Variants in ANO4 observed in about 807,000 individuals in gnomAD.
ANO4 encodes the protein anoctamin-4.
A neutral mutation model predicts 141.9 loss-of-function variants in ANO4; 69 were observed. The ratio of observed to expected loss-of-function variants is 0.49; its 90% CI spans 0.40 to 0.59. The LOEUF (loss-of-function observed/expected upper bound fraction) is 0.59, where lower values mean the gene tolerates loss of function less well. Ranked by LOEUF, ANO4 falls within the 20% of genes least tolerant of loss-of-function variation. The pLI, the probability that ANO4 is intolerant of heterozygous loss-of-function variation, is 0.00. For synonymous variants in ANO4, 350 were observed against 394.3 expected (o/e 0.89, Z 1.33); for missense variants, 894 against 1,162.2 (o/e 0.77, Z 3.36).
chr12:100,845,081 G>A (rs2037488032), intron 1 of ANO4, among the ~76,000 whole-genome samples: 1 of 152,166 alleles, frequency 6.6e-6, no homozygotes, highest in South Asian at 2.1e-4. Flanking sequence ...TTAAGAACCG[G>A]AGAGCAGGAA....
At chr12:101,074,908 T>G (rs2048962069) in intron 14 of ANO4, among the ~76,000 whole-genome samples, 1 of 152,194 alleles carries the variant, frequency 6.6e-6, no homozygotes, top group Non-Finnish European at 1.5e-5. Context: ...TGCGTGCCAG[T>G]TGCTGTGCTA....
chr12:101,068,836 T>G lies in ANO4; in HGVS notation c.1313-10357T>G, dbSNP rs2048699297. 3 of 1,023,232 alleles carry G rather than the reference T, an allele frequency of 2.9e-6. No homozygotes were observed. The South Asian group carries it at 3.8e-5, about 13-fold the overall frequency. The allele number at this position is 1,023,232 out of a possible 1,614,324, so 63.4% of individuals were successfully genotyped here. A position where few individuals can be genotyped will look rare whatever the true frequency, so the allele number is the denominator to read the frequency against. On this transcript the variant is annotated intron_variant, in intron 14 of 27. Transcript: ENST00000392977. ...GTATCTATTGAAGGTTGCTGAGCTA[T>G]TTGAAAAACTTAGGAAAGTAGAGGG...
upstream of ANO4, among the ~76,000 whole-genome samples, chr12:100,790,132 A>T (rs2033997018): frequency 6.6e-6 from 1 of 152,172 alleles, no homozygotes; most frequent in Non-Finnish European, 1.5e-5. Context: ...ATGGCAATAG[A>T]AGAATACACT....
chr12:100,899,416 T>A (rs12302675), intron 1 of ANO4, among the ~76,000 whole-genome samples: 3,787 of 152,278 alleles, frequency 0.025, 166 homozygotes, highest in African/African-American at 0.086. Flanking sequence ...CCATAGGTTA[T>A]CCGGTGAGCA....
chr12:100,797,288 T>G (rs1035490479), intron 1 of ANO4, among the ~76,000 whole-genome samples: 3 of 151,952 alleles, frequency 2.0e-5, no homozygotes, highest in African/African-American at 7.3e-5. Context: ...TTTTTTTTTT[T>G]TTTGGTAAGG....
At chr12:100,763,781 CCTT>C (rs1395216123) in intron 3 of ANO4, among the ~76,000 whole-genome samples, 6 of 152,196 alleles carry the variant, frequency 3.9e-5, no homozygotes, top group South Asian at 4.1e-4. Flanking sequence ...ATCTATCAAT[CCTT>C]CTTTATTGAG....
intron 1 of ANO4, among the ~76,000 whole-genome samples, chr12:100,840,084 G>A (rs2135805911): frequency 6.6e-6 from 1 of 151,772 alleles, no homozygotes; most frequent in East Asian, 1.9e-4. Context: ...GGTGTGTTCA[G>A]TGAAATTTTC....
At chr12:100,778,055 G>T (rs1159695176) in intron 3 of ANO4, among the ~76,000 whole-genome samples, 1 of 151,848 alleles carries the variant, frequency 6.6e-6, no homozygotes, top group East Asian at 1.9e-4. Context: ...GAGTAGCTGG[G>T]ACTACAGGCA....
chr12:100,912,111 T>C (rs1160579663), intron 2 of ANO4, among the ~76,000 whole-genome samples: 2 of 152,022 alleles, frequency 1.3e-5, no homozygotes, highest in African/African-American at 4.8e-5. Flanking sequence ...TAATTTCTTA[T>C]GTGGCCGGGC....
At chr12:100,805,125 A>G (rs896568035) in intron 1 of ANO4, among the ~76,000 whole-genome samples, 2 of 152,174 alleles carry the variant, frequency 1.3e-5, no homozygotes, top group African/African-American at 4.8e-5. Flanking sequence ...TAATTTTTGT[A>G]TAAGATGTAA....
intron 17 of ANO4, among the ~76,000 whole-genome samples, chr12:101,090,756 GAAAGAAATGCC>G (rs2049736659): frequency 6.6e-6 from 1 of 151,868 alleles, no homozygotes; most frequent in African/African-American, 2.4e-5. Context: ...AAAAAAGAAA[GAAAGAAATGCC>G]TATGTACAGG....
At chr12:100,946,426 A>T (rs1048369390) in intron 5 of ANO4, among the ~76,000 whole-genome samples, 1 of 152,200 alleles carries the variant, frequency 6.6e-6, no homozygotes, top group Non-Finnish European at 1.5e-5. Flanking sequence ...GAAAGAGATG[A>T]TGGTAGCTTG....
intron 7 of ANO4, among the ~76,000 whole-genome samples, chr12:100,980,826 C>T (rs1163193881): frequency 6.6e-6 from 1 of 152,068 alleles, no homozygotes; most frequent in Non-Finnish European, 1.5e-5. Flanking sequence ...TATCTTTGGA[C>T]AGGCTTATAG....
At chr12:101,000,134 T>C (rs2045576389) in intron 8 of ANO4, among the ~76,000 whole-genome samples, 1 of 152,108 alleles carries the variant, frequency 6.6e-6, no homozygotes, top group Non-Finnish European at 1.5e-5. Context: ...TCATTATCAT[T>C]ATTACCACAA....
chr12:100,781,263 C>T (rs189717075), intron 3 of ANO4, among the ~76,000 whole-genome samples: 1 of 152,276 alleles, frequency 6.6e-6, no homozygotes, highest in East Asian at 1.9e-4. Flanking sequence ...TTATTTATAA[C>T]AGTATTGGAG....
rs1287746925 is a variant in ANO4, at chr12:101,104,045, T to G, written c.2149+4325T>G. On this transcript the variant is annotated intron_variant, in intron 22 of 27. Coordinates refer to ENST00000392977, the MANE Select transcript of ANO4 (RefSeq NM_001286615.2). ...AGCGTAAAATTGTTTATATATCTCC[T>G]TATTAACTTTTTATGTATCTAGGGT... Among the ~76,000 whole-genome samples, 3 of 151,578 alleles carry G rather than the reference T, an allele frequency of 2.0e-5. No homozygotes were observed. In the South Asian group the frequency reaches 6.2e-4, roughly 31 times the overall value.
chr12:100,730,695 C>G (rs535676106), intron 1 of ANO4, among the ~76,000 whole-genome samples: 1 of 152,258 alleles, frequency 6.6e-6, no homozygotes, highest in East Asian at 1.9e-4. Flanking sequence ...TGTAATCTTG[C>G]ATGCCCAGTG....
intron 1 of ANO4, among the ~76,000 whole-genome samples, chr12:100,725,678 A>G (rs942896258): frequency 1.3e-5 from 2 of 152,226 alleles, no homozygotes; most frequent in African/African-American, 4.8e-5. Context: ...AACCTGGCCT[A>G]TGCCTAAAAT....
intron 8 of ANO4, among the ~76,000 whole-genome samples, chr12:101,019,729 G>A (rs1304593493): frequency 1.3e-5 from 2 of 152,150 alleles, no homozygotes; most frequent in African/African-American, 4.8e-5. Flanking sequence ...TTAATATAAT[G>A]AGCTTACTGA....
Sources: allele counts gnomAD v4.1 joint callset (sites outside exome capture counted in the v4.1 genomes callset), GRCh38; gene constraint gnomAD v4.1.1; transcripts MANE v1.5; gene names NCBI Gene and HGNC (gene_info 2026-07-23, HGNC 2026-07-21).